AMZ1: variants seen among roughly 807,000 people sequenced by gnomAD.
AMZ1 encodes the protein archaelysin family metallopeptidase 1.
A neutral mutation model predicts 29.9 loss-of-function variants in AMZ1; 39 were observed. The ratio of observed to expected loss-of-function variants is 1.30; its 90% CI spans 1.01 to 1.70. AMZ1 has a LOEUF of 1.70. Among genes scored for constraint, AMZ1 ranks in the 40% most tolerant of loss-of-function variants. The pLI is 0.00. For missense variants in AMZ1, 1,041 were observed against 680.6 expected (o/e 1.53, Z -5.89); for synonymous variants, 458 against 304.0 (o/e 1.51, Z -5.27).
intron 1 of AMZ1, among the ~76,000 whole-genome samples, chr7:2,697,365 G>C (rs1787805518): frequency 6.6e-6 from 1 of 152,092 alleles, no homozygotes; most frequent in Non-Finnish European, 1.5e-5. Flanking sequence ...CCAAAGTGCT[G>C]GGATTACAGG....
downstream of AMZ1, among the ~76,000 whole-genome samples, chr7:2,723,913 C>T (rs1789523516): frequency 6.6e-6 from 1 of 152,098 alleles, no homozygotes; most frequent in African/African-American, 2.4e-5. Context: ...GGACTTCTGG[C>T]CAGATTTTTT....
At position 2,712,249 on chromosome 7, in the gene AMZ1, A is replaced by C. The variant is rs2115185560; in HGVS notation, c.949-81A>C. The C allele has an allele frequency of 2.1e-6, 3 of 1,412,996 alleles. No individual in the cohort carries two copies. In the East Asian group the frequency reaches 7.6e-5, roughly 36 times the overall value. The allele number at this position is 1,412,996 out of a possible 1,614,324, so 87.5% of individuals were successfully genotyped here. On this transcript the variant is annotated intron_variant, in intron 6 of 6. Coordinates refer to ENST00000683327, the MANE Select transcript of AMZ1 (RefSeq NM_001384743.1). ...TAACTGAGGACGGTGGGGTCCCCTT[A>C]GGTAAGGAGGTCTCCTGGCAGTTCC...
At chr7:2,703,792 A>G (rs1188506623) in intron 3 of AMZ1, among the ~76,000 whole-genome samples, 2 of 151,462 alleles carry the variant, frequency 1.3e-5, no homozygotes, top group East Asian at 1.9e-4. Flanking sequence ...AATCCATCTT[A>G]CTCTCTTCTC....
At chr7:2,744,235 C>G (rs1790655099) in intron 4 of AMZ1, among the ~76,000 whole-genome samples, 1 of 152,356 alleles carries the variant, frequency 6.6e-6, no homozygotes, top group East Asian at 1.9e-4. Context: ...AAGTGGGTCC[C>G]TGACCCTGAG....
chr7:2,709,836 T>A lies in AMZ1; in HGVS notation c.948+20T>A. 3 of 1,609,576 alleles carry A rather than the reference T, an allele frequency of 1.9e-6. No individual in the cohort carries two copies. The highest frequency in any genetic ancestry group is 2.5e-6 in the Non-Finnish European group (3 of 1,178,852). ...TACCAGGTGAGTGGCTGAGTTGCGC[T>A]GCCCGGCTGCTGGGACCTGCGCTCC... On this transcript the variant is annotated intron_variant, in intron 6 of 6. Coordinates refer to ENST00000683327, the MANE Select transcript of AMZ1 (RefSeq NM_001384743.1).
chr7:2,683,499 A>G (rs1199547131), upstream of AMZ1, among the ~76,000 whole-genome samples: 6 of 151,904 alleles, frequency 3.9e-5, no homozygotes, highest in African/African-American at 1.5e-4. Context: ...GTGCAGTGGC[A>G]CGATCTCGGC....
upstream of AMZ1, among the ~76,000 whole-genome samples, chr7:2,687,305 C>T (rs1049521496): frequency 2.6e-5 from 4 of 151,156 alleles, no homozygotes; most frequent in Non-Finnish European, 2.9e-5. Context: ...CCAGCCTGGG[C>T]GACAGAGCGA....
chr7:2,705,842 C>G (rs2115136001), intron 3 of AMZ1, among the ~76,000 whole-genome samples: 1 of 152,246 alleles, frequency 6.6e-6, no homozygotes, highest in East Asian at 1.9e-4. Flanking sequence ...CCCTAAAACA[C>G]AGCCGGGGAC....
At chr7:2,690,042 G>A (rs375923801) in intron 1 of AMZ1, among the ~76,000 whole-genome samples, 1 of 152,182 alleles carries the variant, frequency 6.6e-6, no homozygotes, top group Non-Finnish European at 1.5e-5. Context: ...TGGCCACAAG[G>A]CTTCTTGAGA....
rs536239909 is a variant in AMZ1, at chr7:2,718,346, C to A, written c.*5468C>A. On this transcript the variant is annotated 3_prime_UTR_variant, in exon 7 of 7. Coordinates refer to ENST00000683327, the MANE Select transcript of AMZ1 (RefSeq NM_001384743.1). ...TTTTCTGGATACAGCATGACTGAAC[C>A]GCCCCTTCTCAGCAAAGGCCAACAC... Among the ~76,000 whole-genome samples, 1 of 152,298 alleles carries A rather than the reference C, an allele frequency of 6.6e-6. No individual in the cohort carries two copies. Among genetic ancestry groups the A allele is most frequent in the South Asian group, 2.1e-4 (1 of 4,818 alleles).
chr7:2,684,135 G>A (rs1319091431), upstream of AMZ1, among the ~76,000 whole-genome samples: 1 of 151,792 alleles, frequency 6.6e-6, no homozygotes, highest in African/African-American at 2.4e-5. Context: ...CCAAGATCAC[G>A]CCACTGCACT....
At position 2,715,255 on chromosome 7, in the gene AMZ1, G is replaced by C. The variant is rs1419260370; in HGVS notation, c.*2377G>C. The C allele has an allele frequency of 6.6e-6, 1 of 152,352 alleles. No homozygotes were observed. The highest frequency in any genetic ancestry group is 2.4e-5 in the African/African-American group (1 of 41,446). The allele number at this position is 152,352 out of a possible 1,614,324, so 9.4% of individuals were successfully genotyped here. Reference sequence around the variant, plus strand: ...ACGGGGAGGGGACGTGGCAGGGAATGTGAGACAACACAATATTGCTGTGGC... The same window carrying C: ...ACGGGGAGGGGACGTGGCAGGGAATCTGAGACAACACAATATTGCTGTGGC... On this transcript the variant is annotated 3_prime_UTR_variant, in exon 7 of 7. Coordinates refer to ENST00000683327, the MANE Select transcript of AMZ1 (RefSeq NM_001384743.1).
chr7:2,727,925 C>T (rs1033014613), intron 4 of AMZ1, among the ~76,000 whole-genome samples: 4 of 145,060 alleles, frequency 2.8e-5, no homozygotes, highest in Admixed American at 2.1e-4. Flanking sequence ...GGTGTGGTGG[C>T]GGGCGCCTGT....
intron 4 of AMZ1, among the ~76,000 whole-genome samples, chr7:2,725,421 T>C (rs1427235958): frequency 6.6e-6 from 1 of 152,230 alleles, no homozygotes; most frequent in Non-Finnish European, 1.5e-5. Context: ...CCCGAGGAGA[T>C]GCCAATACTG....
chr7:2,759,928 T>G (rs1455651176), upstream of AMZ1, among the ~76,000 whole-genome samples: 1 of 152,220 alleles, frequency 6.6e-6, no homozygotes, highest in Non-Finnish European at 1.5e-5. Context: ...TTCTGCCACC[T>G]GCTCCTGCCA....
rs1271619170 is a variant in AMZ1, at chr7:2,715,113, G to A, written c.*2235G>A. On this transcript the variant is annotated 3_prime_UTR_variant, in exon 7 of 7. Coordinates refer to ENST00000683327, the MANE Select transcript of AMZ1 (RefSeq NM_001384743.1). Reference sequence around the variant, plus strand: ...AATATGGCGGTTGCCCTCCTAAGGTGGACATCGGGAGGGTCAGATGGAAGC... The same window carrying A: ...AATATGGCGGTTGCCCTCCTAAGGTAGACATCGGGAGGGTCAGATGGAAGC... 2 of 152,154 alleles carry A rather than the reference G, an allele frequency of 1.3e-5. No individual in the cohort carries two copies. Among genetic ancestry groups the A allele is most frequent in the African/African-American group, 4.8e-5 (2 of 41,418 alleles). 9.4% of individuals were successfully genotyped at this position (152,154 alleles called of 1,614,324 possible).
intron 1 of AMZ1, among the ~76,000 whole-genome samples, chr7:2,695,221 T>C (rs772273453): frequency 6.6e-6 from 1 of 152,178 alleles, no homozygotes; most frequent in Non-Finnish European, 1.5e-5. Context: ...TCTTCCTTTA[T>C]GGTCCAGAGG....
chr7:2,722,293 G>T (rs1789457185), downstream of AMZ1, among the ~76,000 whole-genome samples: 1 of 149,086 alleles, frequency 6.7e-6, no homozygotes, highest in South Asian at 2.1e-4. Flanking sequence ...TTTTTTTTGA[G>T]ACAGACTCTC....
chr7:2,708,744 T>TGG, intron 4 of AMZ1, 28 bp downstream of exon 4: 2 of 1,611,256 alleles, frequency 1.2e-6, no homozygotes, highest in Non-Finnish European at 1.7e-6. Flanking sequence ...CAGCTGTGCG[T>TGG]GGGGGGTAGC....
Sources: allele counts gnomAD v4.1 joint callset (sites outside exome capture counted in the v4.1 genomes callset), GRCh38; gene constraint gnomAD v4.1.1; transcripts MANE v1.5; gene names NCBI Gene and HGNC (gene_info 2026-07-23, HGNC 2026-07-21).